The following ATP6V1B1 variants were observed in gnomAD, a reference collection of about 807,000 sequenced individuals.
The protein encoded by ATP6V1B1 is V-type proton ATPase subunit B, kidney isoform.
ATP6V1B1 carries 41 observed loss-of-function variants against 62.1 expected under a neutral mutation model. The ratio of observed to expected loss-of-function variants is 0.66; its 90% CI spans 0.51 to 0.86. The LOEUF (loss-of-function observed/expected upper bound fraction) is 0.86. Among genes scored for constraint, ATP6V1B1 ranks in the 40% least tolerant of loss-of-function variants. The pLI is 0.00. For synonymous variants in ATP6V1B1, 253 were observed against 273.4 expected, an observed-to-expected ratio of 0.93 and a Z score of 0.74; for missense variants, 651 against 697.5, an observed-to-expected ratio of 0.93 and a Z score of 0.75.
intron 2 of ATP6V1B1, among the ~76,000 whole-genome samples, chr2:70,947,282 A>G (rs879948039): frequency 1.3e-4 from 20 of 152,276 alleles, no homozygotes; most frequent in Middle Eastern, 3.4e-3. Context: ...TCTGATTTGT[A>G]TAAGTTGAAC....
chr2:70,965,283 G>A lies in ATP6V1B1; in HGVS notation c.*162G>A, dbSNP rs1319063336. 32 of 1,046,862 alleles carry A rather than the reference G, an allele frequency of 3.1e-5. No individual in the cohort carries two copies. In the East Asian group the frequency reaches 6.8e-4, roughly 22 times the overall value. The allele number at this position is 1,046,862 out of a possible 1,614,324, so 64.8% of individuals were successfully genotyped here. The stretch of plus-strand genomic sequence containing the variant: ...CACGCTCCATCCCTTTCCCTCGCTC[G>A]ATTCCTTTTCCCGCGCTCCATGCCT... On this transcript the variant is annotated 3_prime_UTR_variant, in exon 14 of 14. Coordinates refer to ENST00000234396, the MANE Select transcript of ATP6V1B1 (RefSeq NM_001692.4).
chr2:70,943,798 C>T lies in ATP6V1B1; in HGVS notation c.174+85C>T, dbSNP rs538217792. Reference sequence around the variant, plus strand: ...GCCCTGCAGGATTTCTTCTAAATTACCCTTTCCCTCCATGGCCCCCAGGGC... The same window carrying T: ...GCCCTGCAGGATTTCTTCTAAATTATCCTTTCCCTCCATGGCCCCCAGGGC... On this transcript the variant is annotated intron_variant, in intron 2 of 13. Coordinates refer to ENST00000234396, the MANE Select transcript of ATP6V1B1 (RefSeq NM_001692.4). 4 of 1,550,780 alleles carry T rather than the reference C, an allele frequency of 2.6e-6. No homozygotes were observed. In the East Asian group the frequency reaches 9.0e-5, roughly 35 times the overall value.
Position 70,935,960 on chromosome 2 carries a change from C to A in ATP6V1B1, c.6C>A (p.Ala2=). Residue 2 remains alanine (A), a synonymous_variant, in exon 1 of 14, where the codon GCC becomes GCA. Coordinates refer to ENST00000234396, the MANE Select transcript of ATP6V1B1 (RefSeq NM_001692.4). ...TCCCAGCTGGGGACTGCTCCATGGC[C>A]ATGGAGATAGACAGCAGGCCTGGGG... M[A]MEIDSRPGGL... The A allele has an allele frequency of 6.2e-7, 1 of 1,613,390 alleles. No individual in the cohort carries two copies. Among genetic ancestry groups the A allele is most frequent in the Non-Finnish European group, 8.5e-7 (1 of 1,179,594 alleles).
chr2:70,937,026 G>T lies in ATP6V1B1; in HGVS notation c.118+954G>T, dbSNP rs1052500031. On this transcript the variant is annotated intron_variant, in intron 1 of 13. Transcript: ENST00000234396. Reference sequence around the variant, plus strand: ...CCCTGGCCTGGTGAATTCTCAGGCCGCCCTGCTCACTGGAGTAAACCAGCA... The same window carrying T: ...CCCTGGCCTGGTGAATTCTCAGGCCTCCCTGCTCACTGGAGTAAACCAGCA... 2.6e-5 allele frequency among the ~76,000 whole-genome samples: 4 copies of T among 151,930 alleles called. No individual in the cohort carries two copies. In the East Asian group the frequency reaches 7.8e-4, roughly 30 times the overall value.
intron 1 of ATP6V1B1, chr2:70,942,020 G>A (rs1314445395): frequency 1.9e-6 from 2 of 1,080,084 alleles, no homozygotes; most frequent in African/African-American, 3.3e-5. Flanking sequence ...GACTGGGACT[G>A]AGCGAGGTTT....
intron 2 of ATP6V1B1, among the ~76,000 whole-genome samples, chr2:70,957,250 A>AAT (rs55638187): frequency 0.12 from 17,263 of 144,648 alleles, 1,301 homozygotes; most frequent in African/African-American, 0.22. Flanking sequence ...CACACCTGGC[A>AAT]ATATATATAT....
intron 2 of ATP6V1B1, among the ~76,000 whole-genome samples, chr2:70,952,747 T>C (rs1341550628): frequency 1.3e-5 from 2 of 152,208 alleles, no homozygotes; most frequent in Non-Finnish European, 2.9e-5. Flanking sequence ...TGATCTATAG[T>C]TTTCCTTTTG....
At chr2:70,939,344 C>A in intron 1 of ATP6V1B1, 1 of 152,560 alleles carries the variant, frequency 6.6e-6, no homozygotes, top group Non-Finnish European at 1.5e-5. Context: ...TCTGGAAGGC[C>A]CATGGAAGGA....
chr2:70,957,985 G>A, intron 2 of ATP6V1B1, 61 bp from the exon 3 acceptor site: 5 of 1,490,518 alleles, frequency 3.4e-6, no homozygotes, highest in South Asian at 1.2e-5. Context: ...GAGGGCCGGA[G>A]GAGGAGAAGG....
At chr2:70,944,771 C>T (rs1207889015) in intron 2 of ATP6V1B1, among the ~76,000 whole-genome samples, 2 of 151,748 alleles carry the variant, frequency 1.3e-5, no homozygotes, top group African/African-American at 4.8e-5. Flanking sequence ...CAGGTTCACG[C>T]TATTCTCCTG....
chr2:70,964,611 T>C, intron 12 of ATP6V1B1, 69 bp downstream of exon 12: 2 of 1,610,688 alleles, frequency 1.2e-6, no homozygotes, highest in South Asian at 2.2e-5. Flanking sequence ...GAGCCCCATC[T>C]GAAGGACAAG....
In ATP6V1B1 at chr2:70,941,379, C is replaced by T. The variant is rs554855908; in HGVS notation, c.119-2279C>T. 87 of 985,644 alleles carry T rather than the reference C, an allele frequency of 8.8e-5. No homozygotes were observed. In the South Asian group the frequency reaches 2.7e-3, roughly 30 times the overall value. The allele number at this position is 985,644 out of a possible 1,614,324, so 61.1% of individuals were successfully genotyped here. A position where few individuals can be genotyped will look rare whatever the true frequency, so the allele number is the denominator to read the frequency against. On this transcript the variant is annotated intron_variant, in intron 1 of 13. Coordinates refer to ENST00000234396, the MANE Select transcript of ATP6V1B1 (RefSeq NM_001692.4). Reference sequence around the variant, plus strand: ...GCCCACTGCCCCTCTTTCTGTTCCACGAAGGCCCTGGATGAGTCCTTTCTC... The same window carrying T: ...GCCCACTGCCCCTCTTTCTGTTCCATGAAGGCCCTGGATGAGTCCTTTCTC...
At chr2:70,943,734 C>T (rs1166830175) in intron 2 of ATP6V1B1, 21 bp downstream of exon 2, 2 of 1,612,980 alleles carry the variant, frequency 1.2e-6, no homozygotes, top group Middle Eastern at 1.7e-4. Context: ...TCTGCTGCCT[C>T]CCTGGCACTA....
chr2:70,941,474 C>T (rs575622252), intron 1 of ATP6V1B1: 3 of 982,898 alleles, frequency 3.1e-6, no homozygotes, highest in Middle Eastern at 5.2e-4. Flanking sequence ...AGGCTCAGCT[C>T]AAACGGCCCT....
At chr2:70,940,733 C>A (rs969793912) in intron 1 of ATP6V1B1, 10 of 985,280 alleles carry the variant, frequency 1.0e-5, no homozygotes, top group Non-Finnish European at 1.2e-5. Flanking sequence ...GGGGTGCAAC[C>A]CTTTAGGCTG....
intron 2 of ATP6V1B1, chr2:70,944,175 G>C: frequency 7.8e-7 from 1 of 1,287,498 alleles, no homozygotes; most frequent in Non-Finnish European, 1.0e-6. Flanking sequence ...ATTTTCTAGG[G>C]ATCTTGATGG....
At position 70,943,673 on chromosome 2, in the gene ATP6V1B1, G is replaced by A. The variant is rs1553416788; in HGVS notation, c.134G>A (p.Cys45Tyr). ...THPRVTYRTV[C>Y]SVNGPLVVLD... ...CCTCCCCCAGCCTACAGGACTGTGT[G>A]CAGCGTGAACGGGCCCCTGGTGGTG... Residue 45 changes from cysteine (C) to tyrosine (Y), a missense_variant, in exon 2 of 14, where the codon TGC becomes TAC. Coordinates refer to ENST00000234396, the MANE Select transcript of ATP6V1B1 (RefSeq NM_001692.4). The A allele has an allele frequency of 1.9e-6, 3 of 1,613,890 alleles. No homozygotes were observed. The highest frequency in any genetic ancestry group is 1.7e-6 in the Non-Finnish European group (2 of 1,179,960).
rs2104832553 is a variant in ATP6V1B1, at chr2:70,963,662, C to T, written c.1143+8C>T. ...CAGCTTCACAACAGACAGGTACTGCCCTGTCCCTACCCACTTCCTGCTCTC... is the reference window on the plus strand; with the variant it reads ...CAGCTTCACAACAGACAGGTACTGCTCTGTCCCTACCCACTTCCTGCTCTC... On this transcript the variant is annotated splice_region_variant and intron_variant, in intron 11 of 13. Coordinates refer to ENST00000234396, the MANE Select transcript of ATP6V1B1 (RefSeq NM_001692.4). This position sits in a 1 kb window ranked among gnomAD's most constrained non-coding sequence, Gnocchi z 4.3. 6.2e-7 allele frequency: 1 copy of T among 1,611,664 alleles called. No individual in the cohort carries two copies.
At chr2:70,949,763 C>T (rs901490686) in intron 2 of ATP6V1B1, among the ~76,000 whole-genome samples, 31 of 152,132 alleles carry the variant, frequency 2.0e-4, no homozygotes, top group African/African-American at 7.2e-4. Flanking sequence ...TACGGGAGCT[C>T]CTTGTTTATT....
Sources: allele counts gnomAD v4.1 joint callset (sites outside exome capture counted in the v4.1 genomes callset), GRCh38; gene constraint gnomAD v4.1.1; non-coding constraint Gnocchi (gnomAD v3.1); transcripts MANE v1.5; gene names NCBI Gene and HGNC (gene_info 2026-07-23, HGNC 2026-07-21).